Variants in CNBD1 observed in about 807,000 individuals in gnomAD.
The protein encoded by CNBD1 is cyclic nucleotide binding domain containing 1.
In CNBD1, 71 loss-of-function variants were observed where a neutral mutation model predicts 54.4. The observed-to-expected ratio is 1.30, with a 90% confidence interval of 1.08 to 1.59. The LOEUF (loss-of-function observed/expected upper bound fraction) is 1.59, where lower values mean the gene tolerates loss of function less well. Ranked by LOEUF, CNBD1 falls within the 40% of genes most tolerant of loss-of-function variation. The probability of loss-of-function intolerance (pLI) is 0.00; values close to 1 mark genes in which losing one functional copy is unlikely to be tolerated. For synonymous variants in CNBD1, 182 were observed against 170.7 expected, an observed-to-expected ratio of 1.07 and a Z score of -0.51; for missense variants, 659 against 518.0, an observed-to-expected ratio of 1.27 and a Z score of -2.64.
At chr8:87,078,131 G>T (rs191401768) in intron 4 of CNBD1, among the ~76,000 whole-genome samples, 3 of 152,284 alleles carry the variant, frequency 2.0e-5, no homozygotes, top group African/African-American at 7.2e-5. Context: ...AATTGGGCAA[G>T]CTTCAGGATA....
chr8:86,966,822 C>T (rs1332281737), intron 4 of CNBD1, among the ~76,000 whole-genome samples: 1 of 152,146 alleles, frequency 6.6e-6, no homozygotes, highest in Non-Finnish European at 1.5e-5. Context: ...AAGAACAAAG[C>T]TTCCACAGCA....
At chr8:86,891,345 G>A (rs963740300) in intron 2 of CNBD1, among the ~76,000 whole-genome samples, 1 of 151,902 alleles carries the variant, frequency 6.6e-6, no homozygotes, top group African/African-American at 2.4e-5. Flanking sequence ...TAGACAGACT[G>A]TCCTTTTTCC....
rs370062826 is a variant in CNBD1, at chr8:87,091,654, AT to A, written c.432-114335del. On this transcript the variant is annotated intron_variant, in intron 4 of 10. Coordinates refer to ENST00000518476, the MANE Select transcript of CNBD1 (RefSeq NM_173538.3). Reference sequence around the variant, plus strand: ...CAAGATAAAAAATAAAGGGAGTTCCATTTTCTTCAGGGACTGGGTGACTAAA... The same window carrying A: ...CAAGATAAAAAATAAAGGGAGTTCCATTTCTTCAGGGACTGGGTGACTAAA... 4.6e-3 allele frequency among the ~76,000 whole-genome samples: 704 copies of A among 152,276 alleles called. 6 individuals are homozygous for A. Among genetic ancestry groups the A allele is most frequent in the South Asian group, 0.016 (78 of 4,828 alleles).
intron 2 of CNBD1, among the ~76,000 whole-genome samples, chr8:87,402,535 A>G (rs976802891): frequency 3.3e-5 from 5 of 152,074 alleles, no homozygotes; most frequent in Admixed American, 1.3e-4. Context: ...AGATGGACAT[A>G]AGGACCGAGC....
intron 4 of CNBD1, among the ~76,000 whole-genome samples, chr8:87,108,928 G>A (rs1326362300): frequency 3.3e-5 from 5 of 151,926 alleles, no homozygotes; most frequent in African/African-American, 7.3e-5. Context: ...GTAGTCCTTC[G>A]TGAATAACAA....
chr8:87,014,145 AC>A (rs1476373878), intron 4 of CNBD1, among the ~76,000 whole-genome samples: 324 of 152,000 alleles, frequency 2.1e-3, no homozygotes, highest in African/African-American at 7.6e-3. Context: ...AATACAGAAA[AC>A]AAAAAAAAAC....
At chr8:87,324,083 CTT>C (rs759460634) in intron 8 of CNBD1, among the ~76,000 whole-genome samples, 1 of 125,160 alleles carries the variant, frequency 8.0e-6, no homozygotes, top group African/African-American at 3.0e-5. Flanking sequence ...GTCTTTGGCT[CTT>C]TTTATATGCT....
chr8:86,894,260 AC>A (rs1482531923), intron 2 of CNBD1, among the ~76,000 whole-genome samples: 1 of 150,144 alleles, frequency 6.7e-6, no homozygotes, highest in Non-Finnish European at 1.5e-5. Flanking sequence ...ACGGGGTTTC[AC>A]CTTGTTAGCC....
intron 2 of CNBD1, among the ~76,000 whole-genome samples, chr8:87,403,794 G>A (rs536875131): frequency 6.6e-6 from 1 of 151,684 alleles, no homozygotes; most frequent in Admixed American, 6.6e-5. Context: ...TTTTTTATAT[G>A]CTTCAACACA....
intron 1 of CNBD1, among the ~76,000 whole-genome samples, chr8:86,884,134 A>C (rs1808644620): frequency 6.6e-6 from 1 of 151,730 alleles, no homozygotes; most frequent in Non-Finnish European, 1.5e-5. Context: ...CCTGGGCGAC[A>C]GAGCGAGACT....
chr8:87,426,177 T>G (rs1586096450), intron 2 of CNBD1, among the ~76,000 whole-genome samples: 2 of 152,330 alleles, frequency 1.3e-5, no homozygotes, highest in Non-Finnish European at 1.5e-5. Flanking sequence ...CTGCTTCAGC[T>G]GGCGCACGGT....
intron 8 of CNBD1, among the ~76,000 whole-genome samples, chr8:87,313,223 GT>G (rs1586004230): frequency 6.6e-6 from 1 of 152,120 alleles, no homozygotes; most frequent in African/African-American, 2.4e-5. Context: ...ATCCATTTGT[GT>G]TTGTTGGACA....
At chr8:87,331,332 G>A (rs141822462) in intron 8 of CNBD1, among the ~76,000 whole-genome samples, 4 of 152,160 alleles carry the variant, frequency 2.6e-5, no homozygotes, top group Non-Finnish European at 5.9e-5. Context: ...CTGTACTTGT[G>A]TGAGTTTGTT....
intron 4 of CNBD1, among the ~76,000 whole-genome samples, chr8:86,977,333 A>C (rs1329317966): frequency 6.6e-6 from 1 of 152,000 alleles, no homozygotes; most frequent in Non-Finnish European, 1.5e-5. Context: ...CTAATTATTC[A>C]TATGTCATCC....
At chr8:87,145,997 G>C (rs1336099169) in intron 4 of CNBD1, among the ~76,000 whole-genome samples, 1 of 152,060 alleles carries the variant, frequency 6.6e-6, no homozygotes. Context: ...AAAATTTAGA[G>C]ATTAGGACTT....
Position 87,349,638 on chromosome 8 carries a change from G to A in CNBD1, c.1043-2047G>A, listed in dbSNP as rs368462534. Among the ~76,000 whole-genome samples the A allele has an allele frequency of 4.6e-5, 7 of 152,332 alleles. 1 individual carries two copies. Among genetic ancestry groups the A allele is most frequent in the South Asian group, 4.1e-4 (2 of 4,828 alleles). The stretch of plus-strand genomic sequence containing the variant: ...GATCTGCCCGCCTCGGCCTCCCAAA[G>A]TGCTGGGATTACAGGCGTGAGCCAC... On this transcript the variant is annotated intron_variant, in intron 8 of 10. Transcript: ENST00000518476.
chr8:87,252,376 C>T (rs529203377), intron 6 of CNBD1, among the ~76,000 whole-genome samples: 13 of 152,166 alleles, frequency 8.5e-5, no homozygotes, highest in South Asian at 2.1e-4. Context: ...AAATCAATTA[C>T]GTTTTTATTC....
intron 4 of CNBD1, among the ~76,000 whole-genome samples, chr8:86,990,871 A>G (rs1279048064): frequency 6.6e-6 from 1 of 152,070 alleles, no homozygotes; most frequent in Non-Finnish European, 1.5e-5. Context: ...TTCTTTCAAC[A>G]ATGTTTTATA....
At chr8:87,118,841 G>A (rs918884120) in intron 4 of CNBD1, among the ~76,000 whole-genome samples, 1 of 152,140 alleles carries the variant, frequency 6.6e-6, no homozygotes, top group African/African-American at 2.4e-5. Context: ...CTAATATTTG[G>A]CAGAAGGCCC....
Sources: gnomAD v4.1 joint callset for allele counts (sites outside exome capture counted in the v4.1 genomes callset) on GRCh38, gnomAD v4.1.1 for gene constraint, MANE v1.5 for transcripts, NCBI Gene and HGNC (gene_info 2026-07-23, HGNC 2026-07-21) for gene names.